The following FMN1 variants were observed in gnomAD, a reference collection of about 807,000 sequenced individuals.
The protein encoded by FMN1 is formin-1.
A neutral mutation model predicts 132.4 loss-of-function variants in FMN1; 110 were observed. The ratio of observed to expected loss-of-function variants is 0.83; its 90% CI spans 0.71 to 0.97. The LOEUF (loss-of-function observed/expected upper bound fraction) is 0.97, where lower values mean the gene tolerates loss of function less well. Ranked by LOEUF, FMN1 falls within the 50% of genes least tolerant of loss-of-function variation. The pLI is 0.00. For missense variants in FMN1, 1,792 were observed against 1,705.3 expected (o/e 1.05, Z -0.90); for synonymous variants, 722 against 651.7 (o/e 1.11, Z -1.64).
chr15:32,823,168 T>TTTG (rs1555464737), intron 17 of FMN1, among the ~76,000 whole-genome samples: 19,181 of 99,016 alleles, frequency 0.19, 1,689 homozygotes, highest in East Asian at 0.55. Context: ...TTTTTTTTTT[T>TTTG]TTTTTTTTTT....
intron 7 of FMN1, among the ~76,000 whole-genome samples, chr15:32,976,391 C>T (rs1180632084): frequency 6.6e-6 from 1 of 152,122 alleles, no homozygotes; most frequent in African/African-American, 2.4e-5. Context: ...GATTCTATGG[C>T]TTTGGACATG....
chr15:33,060,841 C>CT (rs2037449107), intron 6 of FMN1, among the ~76,000 whole-genome samples: 1 of 152,236 alleles, frequency 6.6e-6, no homozygotes, highest in Non-Finnish European at 1.5e-5. Flanking sequence ...AATTCAGTCA[C>CT]TGACAGTTCC....
chr15:33,007,893 G>A, intron 7 of FMN1, 121 bp downstream of exon 7: 2 of 724,048 alleles, frequency 2.8e-6, no homozygotes, highest in East Asian at 2.7e-5. Flanking sequence ...CCTACTGGCA[G>A]CTGCAAGATG....
intron 16 of FMN1, among the ~76,000 whole-genome samples, chr15:32,881,947 C>CT (rs2059781660): frequency 6.6e-6 from 1 of 152,174 alleles, no homozygotes; most frequent in Non-Finnish European, 1.5e-5. Context: ...CAGTTAGCCA[C>CT]ATCAGACTAG....
intron 4 of FMN1, among the ~76,000 whole-genome samples, chr15:33,107,084 C>G (rs2039516225): frequency 6.6e-6 from 1 of 152,056 alleles, no homozygotes; most frequent in Non-Finnish European, 1.5e-5. Flanking sequence ...CCCAGTCTTT[C>G]CCACCTAATT....
At chr15:33,188,170 T>TA (rs1965952818) in intron 2 of FMN1, among the ~76,000 whole-genome samples, 1 of 46,950 alleles carries the variant, frequency 2.1e-5, no homozygotes, top group African/African-American at 5.5e-5. Context: ...CTGTCTCTAC[T>TA]AAAAATGCAA....
Position 32,769,387 on chromosome 15 carries a change from A to G in FMN1, c.*4923T>C, listed in dbSNP as rs1292940105. 1.3e-5 allele frequency: 2 copies of G among 152,248 alleles called. No individual in the cohort carries two copies. Among genetic ancestry groups the G allele is most frequent in the African/African-American group, 4.8e-5 (2 of 41,466 alleles). The allele number at this position is 152,248 out of a possible 1,614,324, so 9.4% of individuals were successfully genotyped here. ...AAGGGAGATGAAGAATTGTGAAACCAAAATGCAGTGCCTCTAATAAGGTGT... is the reference window on the plus strand; with the variant it reads ...AAGGGAGATGAAGAATTGTGAAACCGAAATGCAGTGCCTCTAATAAGGTGT... On this transcript the variant is annotated 3_prime_UTR_variant, in exon 21 of 21. Coordinates refer to ENST00000616417, the MANE Select transcript of FMN1 (RefSeq NM_001277313.2).
At chr15:32,936,991 G>C (rs924689892) in intron 9 of FMN1, among the ~76,000 whole-genome samples, 1 of 152,090 alleles carries the variant, frequency 6.6e-6, no homozygotes, top group Non-Finnish European at 1.5e-5. Flanking sequence ...CTCCAAGTCG[G>C]GCAAGACAGA....
chr15:32,895,741 GT>G (rs983575046), intron 15 of FMN1, among the ~76,000 whole-genome samples: 44 of 115,786 alleles, frequency 3.8e-4, no homozygotes, highest in East Asian at 2.7e-3. Context: ...AAGGAAGAAA[GT>G]TTTTTTTCTT....
intron 5 of FMN1, among the ~76,000 whole-genome samples, chr15:33,080,844 G>A (rs912622407): frequency 4.0e-5 from 6 of 150,894 alleles, no homozygotes; most frequent in African/African-American, 7.4e-5. Flanking sequence ...CTGAGATCGC[G>A]CCATTGCACT....
At chr15:33,165,507 C>T (rs1162517596) in intron 3 of FMN1, among the ~76,000 whole-genome samples, 2 of 152,214 alleles carry the variant, frequency 1.3e-5, no homozygotes, top group African/African-American at 4.8e-5. Context: ...TCTCTTGCCT[C>T]AGCCTCCCGA....
chr15:33,015,365 G>T (rs545977693), intron 6 of FMN1, among the ~76,000 whole-genome samples: 19 of 152,180 alleles, frequency 1.2e-4, no homozygotes, highest in Non-Finnish European at 2.8e-4. Flanking sequence ...TGAATGGTGT[G>T]AATTTCAATG....
At chr15:33,099,141 G>C (rs2039196712) in intron 4 of FMN1, among the ~76,000 whole-genome samples, 1 of 151,998 alleles carries the variant, frequency 6.6e-6, no homozygotes, top group Admixed American at 6.6e-5. Flanking sequence ...TCTACAAAAA[G>C]TTAGCCAGGT....
At chr15:32,930,798 T>A (rs1162085137) in intron 9 of FMN1, among the ~76,000 whole-genome samples, 1 of 152,144 alleles carries the variant, frequency 6.6e-6, no homozygotes, top group East Asian at 1.9e-4. Context: ...CTTTTCCCTA[T>A]TTTTTAAAAA....
intron 7 of FMN1, among the ~76,000 whole-genome samples, chr15:32,981,543 A>AATAATAATTATT (rs574939662): frequency 7.9e-5 from 11 of 138,400 alleles, no homozygotes; most frequent in South Asian, 2.3e-4. Context: ...TAATAATAAT[A>AATAATAATTATT]ATTATTATTA....
intron 16 of FMN1, among the ~76,000 whole-genome samples, chr15:32,864,535 C>T (rs1042335556): frequency 3.3e-5 from 5 of 152,178 alleles, no homozygotes; most frequent in African/African-American, 1.2e-4. Context: ...CACCTGACAT[C>T]ATATGCAAAT....
intron 6 of FMN1, among the ~76,000 whole-genome samples, chr15:33,020,197 T>A (rs537848660): frequency 6.6e-6 from 1 of 152,300 alleles, no homozygotes; most frequent in East Asian, 1.9e-4. Flanking sequence ...AGGGGGGCAG[T>A]CTTGCAGGAC....
intron 7 of FMN1, among the ~76,000 whole-genome samples, chr15:32,997,682 C>T (rs750035729): frequency 1.6e-4 from 25 of 152,160 alleles, no homozygotes; most frequent in Non-Finnish European, 3.4e-4. Flanking sequence ...AGCATTTAAT[C>T]TCTCATGTCA....
At chr15:32,792,317 C>T (rs1365035135) in intron 19 of FMN1, among the ~76,000 whole-genome samples, 2 of 149,928 alleles carry the variant, frequency 1.3e-5, no homozygotes, top group East Asian at 2.0e-4. Flanking sequence ...TGGTGGCAGA[C>T]GCCTGTAGTC....
Sources: allele counts gnomAD v4.1 joint callset (sites outside exome capture counted in the v4.1 genomes callset), GRCh38; gene constraint gnomAD v4.1.1; transcripts MANE v1.5; gene names NCBI Gene and HGNC (gene_info 2026-07-23, HGNC 2026-07-21).